Variants in EXT1 observed in about 807,000 individuals in gnomAD.
EXT1 encodes the protein exostosin-1.
Under a neutral mutation model 82.5 loss-of-function variants are expected in EXT1, and 20 were observed. That is an observed-to-expected ratio of 0.24 (90% CI 0.17 to 0.35). EXT1 has a LOEUF of 0.35. EXT1 is among the 10% of genes least tolerant of loss of function. EXT1 has a pLI of 1.00. For missense variants in EXT1, 757 were observed against 936.5 expected, an observed-to-expected ratio of 0.81 and a Z score of 2.50; for synonymous variants, 348 against 350.8, an observed-to-expected ratio of 0.99 and a Z score of 0.09.
Position 117,863,153 on chromosome 8 carries a change from A to G in EXT1, c.963-25952T>C. On this transcript the variant is annotated intron_variant, in intron 1 of 10. Coordinates refer to ENST00000378204, the MANE Select transcript of EXT1 (RefSeq NM_000127.3). ...AGATGCTATTTTAAACTTTTTACTT[A>G]TATAACCTTCACTTATTTCTCACAA... 1.4e-5 allele frequency among the ~76,000 whole-genome samples: 2 copies of G among 145,874 alleles called. 1 individual carries two copies.
At chr8:117,986,193 T>TTTC (rs754802169) in intron 1 of EXT1, among the ~76,000 whole-genome samples, 1 of 150,874 alleles carries the variant, frequency 6.6e-6, no homozygotes, top group African/African-American at 2.4e-5. Context: ...TTTTCTTTTT[T>TTTC]TTTTTTTTTT....
intron 1 of EXT1, among the ~76,000 whole-genome samples, chr8:118,006,030 G>A (rs1016659143): frequency 6.6e-6 from 1 of 152,210 alleles, no homozygotes; most frequent in Non-Finnish European, 1.5e-5. Context: ...ATGTTAACAT[G>A]AACTTGAGGT....
chr8:117,836,989 G>C (rs1483962213), intron 2 of EXT1, 119 bp downstream of exon 2: 2 of 741,778 alleles, frequency 2.7e-6, no homozygotes, highest in East Asian at 5.1e-5. Flanking sequence ...AATATTTTCA[G>C]ATCCTCAAGG....
intron 1 of EXT1, among the ~76,000 whole-genome samples, chr8:117,995,825 T>G (rs2129798007): frequency 6.6e-6 from 1 of 152,316 alleles, no homozygotes; most frequent in South Asian, 2.1e-4. Flanking sequence ...AACCACCTCC[T>G]TCACATTTTT....
At chr8:117,932,201 T>A (rs1186353036) in intron 1 of EXT1, among the ~76,000 whole-genome samples, 2 of 152,206 alleles carry the variant, frequency 1.3e-5, no homozygotes, top group African/African-American at 4.8e-5. Context: ...TTAGAGTGTC[T>A]ATTTACATAA....
In EXT1 at chr8:117,809,209, G is replaced by GTATAAATATA. The variant is rs1471755255; in HGVS notation, c.1723-1833_1723-1832insTATATTTATA. ...TGTGTGTAGGTATATATATGTGTGT[G>GTATAAATATA]TGTGTATAAATATATATATATATAT... On this transcript the variant is annotated intron_variant, in intron 8 of 10. Transcript: ENST00000378204. Among the ~76,000 whole-genome samples, 831 of 85,724 alleles carry GTATAAATATA rather than the reference G, an allele frequency of 9.7e-3. 7 individuals carry two copies. The highest frequency in any genetic ancestry group is 0.033 in the Middle Eastern group (5 of 152). The allele number at this position is 85,724 out of a possible 152,430, so 56.2% of individuals were successfully genotyped here. A position where few individuals can be genotyped will look rare whatever the true frequency, so the allele number is the denominator to read the frequency against.
At chr8:117,817,853 A>G (rs1239359077) in intron 7 of EXT1, among the ~76,000 whole-genome samples, 2 of 152,224 alleles carry the variant, frequency 1.3e-5, no homozygotes, top group Non-Finnish European at 2.9e-5. Context: ...AGGCCGGGAG[A>G]TGATCAGAAA....
At chr8:117,812,752 A>C in intron 8 of EXT1, 120 bp downstream of exon 8, 1 of 912,768 alleles carries the variant, frequency 1.1e-6, no homozygotes. Context: ...GCGCTGTAGG[A>C]AGTTTTGAAA....
rs545163574 is a variant in EXT1, at chr8:118,033,560, C to G, written c.962+76525G>C. Among the ~76,000 whole-genome samples the G allele has an allele frequency of 2.8e-3, 421 of 152,282 alleles. 1 individual carries two copies. The highest frequency in any genetic ancestry group is 4.2e-3 in the Non-Finnish European group (284 of 68,020). Reference sequence around the variant, plus strand: ...GTGGCATGATCATAGTTCACTGTAGCCTTGACCTCCTGGGCTCAAGCAATC... The same window carrying G: ...GTGGCATGATCATAGTTCACTGTAGGCTTGACCTCCTGGGCTCAAGCAATC... On this transcript the variant is annotated intron_variant, in intron 1 of 10. Coordinates refer to ENST00000378204, the MANE Select transcript of EXT1 (RefSeq NM_000127.3).
At chr8:118,096,063 C>T (rs1454268186) in intron 1 of EXT1, among the ~76,000 whole-genome samples, 2 of 152,156 alleles carry the variant, frequency 1.3e-5, no homozygotes, top group Non-Finnish European at 2.9e-5. Context: ...TGGGGCAATG[C>T]TTCAATATCA....
At chr8:118,084,445 C>A (rs1488753417) in intron 1 of EXT1, among the ~76,000 whole-genome samples, 1 of 152,180 alleles carries the variant, frequency 6.6e-6, no homozygotes, top group Non-Finnish European at 1.5e-5. Flanking sequence ...GGGCTGCAGG[C>A]TCAAAGACTG....
At chr8:117,854,883 ATTTT>A (rs559718829) in intron 1 of EXT1, among the ~76,000 whole-genome samples, 1 of 152,138 alleles carries the variant, frequency 6.6e-6, no homozygotes, top group African/African-American at 2.4e-5. Flanking sequence ...CTTCACTTGC[ATTTT>A]TTTTACCAGC....
At chr8:118,065,733 C>A (rs180835467) in intron 1 of EXT1, among the ~76,000 whole-genome samples, 12 of 152,280 alleles carry the variant, frequency 7.9e-5, no homozygotes, top group Admixed American at 4.6e-4. Context: ...CAAAAACAAG[C>A]TTTTAAAAGT....
In EXT1 at chr8:118,006,893, G is replaced by A. The variant is rs981882374; in HGVS notation, c.962+103192C>T. On this transcript the variant is annotated intron_variant, in intron 1 of 10. Transcript: ENST00000378204. ...TGGAGGACCGTGGCCATGTAGAAAT[G>A]CAAGCGTAGGGCTGCCAAATCTTCC... Among the ~76,000 whole-genome samples the A allele has an allele frequency of 5.3e-4, 81 of 152,320 alleles. 1 individual carries two copies. The highest frequency in any genetic ancestry group is 1.9e-3 in the African/African-American group (79 of 41,576).
chr8:117,979,503 A>C (rs1007369599), intron 1 of EXT1, among the ~76,000 whole-genome samples: 17 of 152,146 alleles, frequency 1.1e-4, no homozygotes, highest in Non-Finnish European at 4.4e-5. Flanking sequence ...TCTGGAACTC[A>C]GATACCTAAC....
At chr8:117,917,777 C>T (rs1813781878) in intron 1 of EXT1, among the ~76,000 whole-genome samples, 1 of 152,124 alleles carries the variant, frequency 6.6e-6, no homozygotes, top group African/African-American at 2.4e-5. Context: ...AGGTTCCATC[C>T]CAGAGGTAGC....
intron 1 of EXT1, among the ~76,000 whole-genome samples, chr8:117,864,926 A>G (rs564990360): frequency 6.6e-6 from 1 of 152,320 alleles, no homozygotes; most frequent in Admixed American, 6.5e-5. Context: ...AAAGATACAC[A>G]GATTTTTCAA....
intron 1 of EXT1, among the ~76,000 whole-genome samples, chr8:118,064,661 C>T (rs766833171): frequency 1.3e-5 from 2 of 151,990 alleles, no homozygotes; most frequent in Admixed American, 1.3e-4. Context: ...GTCTTTATAG[C>T]GGAATAATTT....
At chr8:117,929,525 A>G (rs1814011919) in intron 1 of EXT1, among the ~76,000 whole-genome samples, 1 of 152,250 alleles carries the variant, frequency 6.6e-6, no homozygotes, top group Admixed American at 6.5e-5. Flanking sequence ...ATATTTTTGA[A>G]TGAATGAACC....
Sources: gnomAD v4.1 joint callset for allele counts (sites outside exome capture counted in the v4.1 genomes callset) on GRCh38, gnomAD v4.1.1 for gene constraint, MANE v1.5 for transcripts, NCBI Gene and HGNC (gene_info 2026-07-23, HGNC 2026-07-21) for gene names.